Variants in PRKX observed in about 807,000 individuals in gnomAD.
PRKX encodes the protein cAMP-dependent protein kinase catalytic subunit PRKX.
In PRKX, 12 loss-of-function variants were observed where a neutral mutation model predicts 22.0. The observed-to-expected ratio is 0.54, with a 90% CI of 0.35 to 0.88. The LOEUF (loss-of-function observed/expected upper bound fraction) is 0.88, where lower values mean the gene tolerates loss of function less well. PRKX is among the 40% of genes least tolerant of loss of function. PRKX has a pLI of 0.01. For missense variants in PRKX, 217 were observed against 308.0 expected (o/e 0.70, Z 2.21); for synonymous variants, 134 against 137.7 (o/e 0.97, Z 0.19).
chrX:3,712,223 C>T (rs73442511), intron 1 of PRKX, among the ~76,000 whole-genome samples: 2,352 of 111,275 alleles, frequency 0.021, 64 homozygotes, highest in African/African-American at 0.074. Flanking sequence ...TCTACTCTCC[C>T]ATTTATTTTC....
At chrX:3,619,121 C>A (rs1164884463) in intron 6 of PRKX, among the ~76,000 whole-genome samples, 10 of 112,542 alleles carry the variant, frequency 8.9e-5, no homozygotes, top group Non-Finnish European at 1.9e-4. Flanking sequence ...AGGGTCTTTG[C>A]AGATGTAACT....
intron 1 of PRKX, among the ~76,000 whole-genome samples, chrX:3,700,748 G>GA (rs1928547159): frequency 1.8e-5 from 1 of 55,392 alleles, no homozygotes; most frequent in African/African-American, 1.2e-4. Context: ...CCAGCTAATT[G>GA]TTTGTTGTTG....
chrX:3,646,305 G>A (rs1318428902), intron 3 of PRKX, among the ~76,000 whole-genome samples: 1 of 111,324 alleles, frequency 9.0e-6, no homozygotes, highest in Non-Finnish European at 1.9e-5. Context: ...AAAAAAGAGA[G>A]AGAGACAGAG....
rs1336935069 is a variant in PRKX, at chrX:3,713,317, G to A, written c.-64C>T. 3.3e-6 allele frequency: 3 copies of A among 909,866 alleles called. No individual in the cohort carries two copies. 75.0% of individuals were successfully genotyped at this position (909,866 alleles called of 1,213,427 possible). A position where few individuals can be genotyped will look rare whatever the true frequency, so the allele number is the denominator to read the frequency against. ...AGCGCTCGGGGAGCCGGGCTTCCCGGGACGCAGCCTCGGAGGGCGGCGCGG... is the reference window on the plus strand; with the variant it reads ...AGCGCTCGGGGAGCCGGGCTTCCCGAGACGCAGCCTCGGAGGGCGGCGCGG... On this transcript the variant is annotated 5_prime_UTR_variant, in exon 1 of 9. Coordinates refer to ENST00000262848, the MANE Select transcript of PRKX (RefSeq NM_005044.5).
intron 1 of PRKX, among the ~76,000 whole-genome samples, chrX:3,688,720 T>C (rs1453642046): frequency 9.1e-6 from 1 of 109,987 alleles, no homozygotes; most frequent in Non-Finnish European, 1.9e-5. Context: ...TTTTTTTTAA[T>C]GAGCCGGGTG....
At chrX:3,676,631 T>G (rs1927961253) in intron 1 of PRKX, among the ~76,000 whole-genome samples, 1 of 112,103 alleles carries the variant, frequency 8.9e-6, no homozygotes, top group African/African-American at 3.2e-5. Flanking sequence ...TGAAATAAGA[T>G]AGGCACAGAA....
At chrX:3,706,188 ACTTT>A (rs1162581930) in intron 1 of PRKX, among the ~76,000 whole-genome samples, 6 of 109,147 alleles carry the variant, frequency 5.5e-5, no homozygotes, top group South Asian at 4.0e-4. Flanking sequence ...CTCCCTTGAT[ACTTT>A]CTTTATTTTT....
At position 3,615,011 on chromosome X, in the gene PRKX, A is replaced by ATTTTTTT. The variant is rs761643511; in HGVS notation, c.951+797_951+803dup. On this transcript the variant is annotated intron_variant, in intron 7 of 8. Transcript: ENST00000262848. ...TATTATACATTGAAAAAAATGCCAG[A>ATTTTTTT]TTTTTTTTTTTTTTTTTTTTTTTTT... 4.7e-4 allele frequency among the ~76,000 whole-genome samples: 28 copies of ATTTTTTT among 59,749 alleles called. 1 individual carries two copies. Among genetic ancestry groups the ATTTTTTT allele is most frequent in the African/African-American group, 1.6e-3 (21 of 13,208 alleles). 51.9% of individuals were successfully genotyped at this position (59,749 alleles called of 115,157 possible). A position where few individuals can be genotyped will look rare whatever the true frequency, so the allele number is the denominator to read the frequency against.
intron 1 of PRKX, among the ~76,000 whole-genome samples, chrX:3,697,637 C>T (rs1928470951): frequency 9.1e-6 from 1 of 110,097 alleles, no homozygotes; most frequent in South Asian, 3.9e-4. Context: ...TTCCAACTTC[C>T]AGGCTCAGGC....
intron 5 of PRKX, among the ~76,000 whole-genome samples, chrX:3,625,014 T>C (rs1278221962): frequency 9.0e-6 from 1 of 111,227 alleles, no homozygotes; most frequent in Non-Finnish European, 1.9e-5. Context: ...AGAGGTTCTA[T>C]ATAATCCTTT....
At chrX:3,691,750 C>T (rs1928329704) in intron 1 of PRKX, among the ~76,000 whole-genome samples, 1 of 111,475 alleles carries the variant, frequency 9.0e-6, no homozygotes, top group African/African-American at 3.3e-5. Context: ...AAGTATCTCC[C>T]TGATGGAGCT....
chrX:3,637,352 G>A (rs935586405), intron 4 of PRKX, among the ~76,000 whole-genome samples: 2 of 111,467 alleles, frequency 1.8e-5, no homozygotes, highest in African/African-American at 6.5e-5. Context: ...GCAACAAGCG[G>A]GCTCCCAGGG....
At chrX:3,661,384 A>C (rs949929518) in intron 2 of PRKX, among the ~76,000 whole-genome samples, 8 of 111,289 alleles carry the variant, frequency 7.2e-5, no homozygotes, top group Admixed American at 3.9e-4. Flanking sequence ...AGGCAGGAGG[A>C]TCACTTGAGA....
At chrX:3,611,834 G>A (rs1204147000) in intron 8 of PRKX, among the ~76,000 whole-genome samples, 2 of 111,201 alleles carry the variant, frequency 1.8e-5, no homozygotes, top group African/African-American at 3.3e-5. Context: ...AAGGAAGCTC[G>A]CCTGTCACTC....
In PRKX at chrX:3,688,905, A is replaced by G. The variant is rs72622511; in HGVS notation, c.167-14139T>C. ...AAAAAAAAAAGTGAGGCTCTTCTCC[A>G]TAAGTGATAATTTGCTTCTATATTG... is the stretch of plus-strand genomic sequence containing the variant. On this transcript the variant is annotated intron_variant, in intron 1 of 8. Transcript: ENST00000262848. Among the ~76,000 whole-genome samples, 823 of 109,187 alleles carry G rather than the reference A, an allele frequency of 7.5e-3. 16 individuals are homozygous for G. The highest frequency in any genetic ancestry group is 0.054 in the Admixed American group (548 of 10,069). The allele number at this position is 109,187 out of a possible 115,157, so 94.8% of individuals were successfully genotyped here.
rs755639041 is a variant in PRKX at position 3,655,184 on chromosome X, G to C, written c.564C>G (p.Leu188=). The C allele has an allele frequency of 3.2e-5, 39 of 1,210,223 alleles. No individual in the cohort carries two copies. Among genetic ancestry groups the C allele is most frequent in the Admixed American group, 4.4e-5 (2 of 45,754 alleles). ...GCTTCTTGGCGAACCCAAAGTCCGT[G>C]AGCTTAATGTGGCCATCCCTATCCA... ...ILLDRDGHIK[L]TDFGFAKKLV... Residue 188 remains leucine, a synonymous_variant, in exon 3 of 9, where the codon CTC becomes CTG. Transcript: ENST00000262848.
At chrX:3,668,043 G>A (rs967888556) in intron 2 of PRKX, 1 of 111,247 alleles carries the variant, frequency 9.0e-6, no homozygotes, top group Admixed American at 9.7e-5. Flanking sequence ...CTTAGACCAA[G>A]GCACTGGAAG....
chrX:3,613,228 T>C (rs1926343934), intron 7 of PRKX, among the ~76,000 whole-genome samples: 1 of 102,536 alleles, frequency 9.8e-6, no homozygotes, highest in African/African-American at 3.5e-5. Flanking sequence ...CTCCAGATTA[T>C]ATAGTCAAGT....
At chrX:3,643,896 G>T (rs758663578) in intron 3 of PRKX, among the ~76,000 whole-genome samples, 3 of 110,163 alleles carry the variant, frequency 2.7e-5, no homozygotes, top group African/African-American at 6.6e-5. Flanking sequence ...GTGTGGGCAC[G>T]TATCTTGGCT....
Sources: allele counts gnomAD v4.1 joint callset (sites outside exome capture counted in the v4.1 genomes callset), GRCh38; gene constraint gnomAD v4.1.1; transcripts MANE v1.5; gene names NCBI Gene and HGNC (gene_info 2026-07-23, HGNC 2026-07-21).